Variants in KLF11 observed in about 807,000 individuals in gnomAD.
KLF11 encodes the protein Krueppel-like factor 11.
In KLF11, 26 loss-of-function variants were observed where a neutral mutation model predicts 29.9. That is an observed-to-expected ratio of 0.87 (90% CI 0.64 to 1.21). The LOEUF is 1.21. KLF11 is among the 50% of genes most tolerant of loss of function. The pLI, the probability that KLF11 is intolerant of heterozygous loss-of-function variation, is 0.00. For missense variants in KLF11, 778 were observed against 665.7 expected, an observed-to-expected ratio of 1.17 and a Z score of -1.86; for synonymous variants, 318 against 257.4, an observed-to-expected ratio of 1.24 and a Z score of -2.25.
rs199892235 is a variant in KLF11 at position 10,052,723 on chromosome 2, G to T, written c.*216G>T. 58 of 395,306 alleles carry T rather than the reference G, an allele frequency of 1.5e-4. No individual in the cohort carries two copies. Among genetic ancestry groups the T allele is most frequent in the South Asian group, 5.4e-4 (11 of 20,234 alleles). 24.5% of individuals were successfully genotyped at this position (395,306 alleles called of 1,614,324 possible). Reference sequence around the variant, plus strand: ...GTAGTTTCAGAAGTTTTTTTGTTTTGGTTTTTTTTTTAAAGAAATGGTAGA... The same window carrying T: ...GTAGTTTCAGAAGTTTTTTTGTTTTTGTTTTTTTTTTAAAGAAATGGTAGA... On this transcript the variant is annotated 3_prime_UTR_variant, in exon 4 of 4. Coordinates refer to ENST00000305883, the MANE Select transcript of KLF11 (RefSeq NM_003597.5).
In KLF11 at chr2:10,048,026, C is replaced by T. The variant is rs370039403; in HGVS notation, c.689C>T (p.Ser230Phe). ...TDSLLSTNLV[S>F]CQPCLHKSGG... Reference sequence around the variant, plus strand: ...AGTTTACTCAGCACTAACTTGGTGTCCTGTCAGCCCTGCTTGCACAAGTCT... The same window carrying T: ...AGTTTACTCAGCACTAACTTGGTGTTCTGTCAGCCCTGCTTGCACAAGTCT... The change falls in exon 3 of 4, where the codon TCC becomes TTC. Residue 230 changes from serine to phenylalanine, a missense_variant. Coordinates refer to ENST00000305883, the MANE Select transcript of KLF11 (RefSeq NM_003597.5). The T allele has an allele frequency of 1.5e-5, 24 of 1,614,060 alleles. No individual in the cohort carries two copies. The highest frequency in any genetic ancestry group is 6.7e-5 in the African/African-American group (5 of 74,938).
At chr2:10,045,630 T>C (rs376625690) in intron 1 of KLF11, among the ~76,000 whole-genome samples, 10 of 152,364 alleles carry the variant, frequency 6.6e-5, no homozygotes, top group Admixed American at 3.9e-4. Flanking sequence ...GGAATCGCCA[T>C]GGGCCCTACC....
At chr2:10,046,820 A>G (rs1219472249) in intron 2 of KLF11, among the ~76,000 whole-genome samples, 1 of 152,156 alleles carries the variant, frequency 6.6e-6, no homozygotes, top group East Asian at 1.9e-4. Context: ...GTGCCACTGC[A>G]CTCCAGCCTG....
Position 10,046,712 on chromosome 2 carries a change from G to A in KLF11, c.312+293G>A, listed in dbSNP as rs531992445. On this transcript the variant is annotated intron_variant, in intron 2 of 3. Transcript: ENST00000305883. ...TCTACTAAAAGTACAAAATTTATCC[G>A]GGTGTGGTGGCGGGCGCCTGTAGTC... Among the ~76,000 whole-genome samples the A allele has an allele frequency of 6.0e-4, 91 of 152,200 alleles. 1 individual carries two copies. Among genetic ancestry groups the A allele is most frequent in the African/African-American group, 2.1e-3 (87 of 41,522 alleles).
rs893816720 is a variant in KLF11, at chr2:10,053,394, G to A, written c.*887G>A. ...AGAAACACTCAAATCCAGCTGCTTT[G>A]TCAATTGTCAGTTCTGACTCCTTTT... On this transcript the variant is annotated 3_prime_UTR_variant, in exon 4 of 4. Transcript: ENST00000305883. The A allele has an allele frequency of 3.0e-5, 12 of 398,544 alleles. No homozygotes were observed. Among genetic ancestry groups the A allele is most frequent in the Non-Finnish European group, 5.3e-5 (12 of 226,088 alleles). The allele number at this position is 398,544 out of a possible 1,614,324, so 24.7% of individuals were successfully genotyped here. A position where few individuals can be genotyped will look rare whatever the true frequency, so the allele number is the denominator to read the frequency against.
At position 10,048,230 on chromosome 2, in the gene KLF11, T is replaced by C. The variant is rs1661283293; in HGVS notation, c.893T>C (p.Met298Thr). The change falls in exon 3 of 4, where the codon ATG (methionine) becomes ACG (threonine). Residue 298 changes from methionine to threonine, a missense_variant. Met to Thr is a moderately conservative substitution (Grantham distance 81). Coordinates refer to ENST00000305883, the MANE Select transcript of KLF11 (RefSeq NM_003597.5). ...QMIPVTGQSS[M>T]LPAFLKPPPQ... ...ATCCCTGTGACTGGACAAAGTAGCATGTTACCAGCTTTTTTGAAGCCCCCT... is the reference window on the plus strand; with the variant it reads ...ATCCCTGTGACTGGACAAAGTAGCACGTTACCAGCTTTTTTGAAGCCCCCT... The C allele has an allele frequency of 6.2e-6, 10 of 1,613,690 alleles. No individual in the cohort carries two copies. The highest frequency in any genetic ancestry group is 3.3e-5 in the Admixed American group (2 of 60,024).
rs369831623 is a variant in KLF11, at chr2:10,048,706, G to T, written c.1258+111G>T. ...ATCATGAGAACCCCTGGCGAAGGTG[G>T]AAGTGTGGCTTTTTCTTTGGTTCTG... On this transcript the variant is annotated intron_variant, in intron 3 of 3. Coordinates refer to ENST00000305883, the MANE Select transcript of KLF11 (RefSeq NM_003597.5). 1,235 of 811,600 alleles carry T rather than the reference G, an allele frequency of 1.5e-3. 25 individuals are homozygous for T. In the South Asian group the frequency reaches 0.017, roughly 11 times the overall value. 50.3% of individuals were successfully genotyped at this position (811,600 alleles called of 1,614,324 possible).
rs1220468137 is a variant in KLF11 at position 10,053,584 on chromosome 2, C to A, written c.*1077C>A. On this transcript the variant is annotated 3_prime_UTR_variant, in exon 4 of 4. Coordinates refer to ENST00000305883, the MANE Select transcript of KLF11 (RefSeq NM_003597.5). The stretch of plus-strand genomic sequence containing the variant: ...TTCCGCTTCCTTTGTTTGCCAAATA[C>A]TAGAAACACAAGGAAATGCAAGTTA... 1.0e-5 allele frequency: 4 copies of A among 397,086 alleles called. No homozygotes were observed. The highest frequency in any genetic ancestry group is 1.8e-5 in the Non-Finnish European group (4 of 225,474). The allele number at this position is 397,086 out of a possible 1,614,324, so 24.6% of individuals were successfully genotyped here. A position where few individuals can be genotyped will look rare whatever the true frequency, so the allele number is the denominator to read the frequency against.
At chr2:10,051,966 G>C (rs1207495806) in intron 3 of KLF11, among the ~76,000 whole-genome samples, 1 of 152,200 alleles carries the variant, frequency 6.6e-6, no homozygotes, top group African/African-American at 2.4e-5. Context: ...CGCTGTACTT[G>C]TACTTCGCCT....
Position 10,048,527 on chromosome 2 carries a change from G to A in KLF11, c.1190G>A (p.Ser397Asn). ...DFSRRRNYVC[S>N]FPGCRKTYFK... Reference sequence around the variant, plus strand: ...TCCCGAAGGAGGAACTATGTATGCAGCTTCCCAGGTTGCCGGAAGACCTAC... The same window carrying A: ...TCCCGAAGGAGGAACTATGTATGCAACTTCCCAGGTTGCCGGAAGACCTAC... Residue 397 changes from serine to asparagine, a missense_variant, in exon 3 of 4, where the codon AGC becomes AAC. Coordinates refer to ENST00000305883, the MANE Select transcript of KLF11 (RefSeq NM_003597.5). 6.2e-7 allele frequency: 1 copy of A among 1,612,404 alleles called. No homozygotes were observed. The highest frequency in any genetic ancestry group is 1.1e-5 in the South Asian group (1 of 91,088).
rs1398228093 is a variant in KLF11, at chr2:10,053,718, C to T, written c.*1211C>T. On this transcript the variant is annotated 3_prime_UTR_variant, in exon 4 of 4. Transcript: ENST00000305883. ...TGGAATGGTGTGTTTTACAGTCTACCTAGAAAATAGATGGACAATATTTTT... is the reference window on the plus strand; with the variant it reads ...TGGAATGGTGTGTTTTACAGTCTACTTAGAAAATAGATGGACAATATTTTT... 7.1e-6 allele frequency: 2 copies of T among 281,550 alleles called. No homozygotes were observed. The highest frequency in any genetic ancestry group is 1.3e-5 in the Non-Finnish European group (2 of 151,894). The allele number at this position is 281,550 out of a possible 1,614,324, so 17.4% of individuals were successfully genotyped here.
chr2:10,048,444 T>G lies in KLF11; in HGVS notation c.1107T>G (p.Leu369=). Residue 369 remains leucine (L), a synonymous_variant, in exon 3 of 4, where the codon CTT becomes CTG. Transcript: ENST00000305883. ...CCGGGAATACCAAGTTGTTGCCCCT[T>G]GCCCCTGCTCCAGTGTTCATCACCT... The part of the protein sequence containing the change: ...MAAGNTKLLP[L]APAPVFITSS... 3.1e-6 allele frequency: 5 copies of G among 1,614,144 alleles called. No individual in the cohort carries two copies. Among genetic ancestry groups the G allele is most frequent in the Non-Finnish European group, 4.2e-6 (5 of 1,180,044 alleles).
At chr2:10,051,954 G>C (rs970405293) in intron 3 of KLF11, among the ~76,000 whole-genome samples, 1 of 152,168 alleles carries the variant, frequency 6.6e-6, no homozygotes, top group African/African-American at 2.4e-5. Flanking sequence ...ATAGGTTTGA[G>C]CCGCTGTACT....
intron 2 of KLF11, among the ~76,000 whole-genome samples, chr2:10,046,734 A>T (rs1050133233): frequency 1.3e-5 from 2 of 152,200 alleles, no homozygotes; most frequent in South Asian, 4.1e-4. Flanking sequence ...GGGCGCCTGT[A>T]GTCCCAGCTA....
At chr2:10,045,183 G>C (rs6717092) in intron 1 of KLF11, among the ~76,000 whole-genome samples, 124,826 of 151,976 alleles carry the variant, frequency 0.82, 51,362 homozygotes, top group Middle Eastern at 0.88. Flanking sequence ...CCCAGCACTT[G>C]GGGAGGTCAA....
chr2:10,048,028 T>A lies in KLF11; in HGVS notation c.691T>A (p.Cys231Ser). 6.2e-7 allele frequency: 1 copy of A among 1,614,194 alleles called. No individual in the cohort carries two copies. The highest frequency in any genetic ancestry group is 8.5e-7 in the Non-Finnish European group (1 of 1,180,038). ...DSLLSTNLVS[C>S]QPCLHKSGGL... ...TTTACTCAGCACTAACTTGGTGTCC[T>A]GTCAGCCCTGCTTGCACAAGTCTGG... is the stretch of plus-strand genomic sequence containing the variant. The change falls in exon 3 of 4, where the codon TGT (cysteine) becomes AGT (serine). Residue 231 changes from cysteine to serine, a missense_variant. Coordinates refer to ENST00000305883, the MANE Select transcript of KLF11 (RefSeq NM_003597.5).
At chr2:10,047,573 G>A in intron 2 of KLF11, 77 bp from the exon 3 acceptor site, 1 of 1,211,678 alleles carries the variant, frequency 8.3e-7, no homozygotes, top group Non-Finnish European at 1.2e-6. Context: ...CTGTGTAAAG[G>A]TATTGGGAGC....
Position 10,054,201 on chromosome 2 carries a change from C to A in KLF11, c.*1694C>A, listed in dbSNP as rs1661489807. 6.6e-6 allele frequency: 1 copy of A among 152,206 alleles called. No homozygotes were observed. Among genetic ancestry groups the A allele is most frequent in the Non-Finnish European group, 1.5e-5 (1 of 68,036 alleles). 9.4% of individuals were successfully genotyped at this position (152,206 alleles called of 1,614,324 possible). ...CAGTTGTCTCATGTTGTGCATAGTT[C>A]ATGTTTCCTCACCACCCAGTCCTTT... On this transcript the variant is annotated 3_prime_UTR_variant, in exon 4 of 4. Transcript: ENST00000305883.
rs761363367 is a variant in KLF11, at chr2:10,048,396, C to G, written c.1059C>G (p.Pro353=). The change falls in exon 3 of 4, where the codon CCC becomes CCG. Residue 353 remains proline, a synonymous_variant. Coordinates refer to ENST00000305883, the MANE Select transcript of KLF11 (RefSeq NM_003597.5). ...AGGGAGCCCTCCCTCCGCCTGCCCC[C>G]TGTGCAGCCAATGTCATGGCTGCCG... is the stretch of plus-strand genomic sequence containing the variant. ...LPQGALPPPA[P]CAANVMAAGN... is the part of the protein sequence containing the mutation. The G allele has an allele frequency of 1.9e-6, 3 of 1,613,868 alleles. No individual in the cohort carries two copies.
Sources: allele counts gnomAD v4.1 joint callset (sites outside exome capture counted in the v4.1 genomes callset), GRCh38; gene constraint gnomAD v4.1.1; transcripts MANE v1.5; gene names NCBI Gene and HGNC (gene_info 2026-07-23, HGNC 2026-07-21).